Variants in RPTOR observed in about 807,000 individuals in gnomAD.
The protein encoded by RPTOR is regulatory associated protein of MTOR complex 1, also known as regulatory-associated protein of mTOR.
RPTOR carries 21 observed loss-of-function variants against 169.9 expected under a neutral mutation model. The observed-to-expected ratio is 0.12, with a 90% confidence interval of 0.09 to 0.18. The LOEUF (loss-of-function observed/expected upper bound fraction) is 0.18, where lower values mean the gene tolerates loss of function less well. RPTOR is among the 10% of genes least tolerant of loss of function. RPTOR has a pLI of 1.00. For missense variants in RPTOR, 1,133 were observed against 1,855.9 expected (o/e 0.61, Z 7.16); for synonymous variants, 732 against 753.2 (o/e 0.97, Z 0.46).
intron 1 of RPTOR, among the ~76,000 whole-genome samples, chr17:80,603,550 C>G (rs538683204): frequency 6.6e-6 from 1 of 152,106 alleles, no homozygotes; most frequent in East Asian, 1.9e-4. Flanking sequence ...CTTCCTGCTT[C>G]CAGGATTTAC....
chr17:80,643,487 T>G (rs946581611), intron 2 of RPTOR, among the ~76,000 whole-genome samples: 2 of 152,108 alleles, frequency 1.3e-5, no homozygotes, highest in South Asian at 2.1e-4. Flanking sequence ...TGAACGTGGG[T>G]AGAATAACAG....
At chr17:80,834,757 C>T (rs908252939) in intron 9 of RPTOR, among the ~76,000 whole-genome samples, 2 of 152,176 alleles carry the variant, frequency 1.3e-5, no homozygotes, top group African/African-American at 4.8e-5. Flanking sequence ...GGAGAACGTG[C>T]GAATAGGCTT....
chr17:80,930,102 C>A (rs1428677364), intron 24 of RPTOR, among the ~76,000 whole-genome samples: 1 of 148,678 alleles, frequency 6.7e-6, no homozygotes, highest in Non-Finnish European at 1.5e-5. Flanking sequence ...CTCAACTCAT[C>A]CCCAGCTCAT....
intron 1 of RPTOR, among the ~76,000 whole-genome samples, chr17:80,616,914 G>A (rs765456599): frequency 1.3e-5 from 2 of 152,094 alleles, no homozygotes; most frequent in Admixed American, 6.5e-5. Context: ...TCCTCACACC[G>A]GTCCAGCTTG....
intron 5 of RPTOR, among the ~76,000 whole-genome samples, chr17:80,744,505 TCCTGGTTACGAGCACAGC>T (rs1325974919): frequency 5.8e-4 from 5 of 8,640 alleles, no homozygotes; most frequent in Admixed American, 1.0e-3. Context: ...ACTAGCACTG[TCCTGGTTACGAGCACAGC>T]CCTGGCTACT....
In RPTOR at chr17:80,602,266, C is replaced by T. The variant is rs376511501; in HGVS notation, c.163-23425C>T. ...GGGGGCTGACCCCCCACCTCCCTCCCGGACGGGGCGGCTGGCCAGGCAGAG... is the reference window on the plus strand; with the variant it reads ...GGGGGCTGACCCCCCACCTCCCTCCTGGACGGGGCGGCTGGCCAGGCAGAG... On this transcript the variant is annotated intron_variant, in intron 1 of 33. Transcript: ENST00000306801. Among the ~76,000 whole-genome samples the T allele has an allele frequency of 8.8e-3, 563 of 63,998 alleles. 124 individuals are homozygous for T. The East Asian group carries it at 0.13, about 15-fold the overall frequency. The allele number at this position is 63,998 out of a possible 152,430, so 42.0% of individuals were successfully genotyped here. A position where few individuals can be genotyped will look rare whatever the true frequency, so the allele number is the denominator to read the frequency against.
chr17:80,935,776 G>GA (rs145397030), intron 24 of RPTOR, among the ~76,000 whole-genome samples: 37,534 of 150,906 alleles, frequency 0.25, 5,562 homozygotes, highest in Middle Eastern at 0.35. Context: ...GAAGGAAACA[G>GA]AAAAAAAAAT....
chr17:80,663,813 G>A (rs543831919), intron 3 of RPTOR, among the ~76,000 whole-genome samples: 164 of 151,922 alleles, frequency 1.1e-3, no homozygotes, highest in African/African-American at 3.9e-3. Flanking sequence ...CTCTGCTTGA[G>A]ACTGGTTCTG....
At position 80,754,489 on chromosome 17, in the gene RPTOR, A is replaced by C. The variant is rs1012493903; in HGVS notation, c.830+304A>C. On this transcript the variant is annotated intron_variant, in intron 6 of 33. Coordinates refer to ENST00000306801, the MANE Select transcript of RPTOR (RefSeq NM_020761.3). The surrounding 1 kb of genome is among the most constrained non-coding windows in gnomAD (Gnocchi z 4.2). The stretch of plus-strand genomic sequence containing the variant: ...GCGTCTTAGTACCAGGATAGGTCAT[A>C]CTGGAAACTGGACTTTCTTTCAGGG... 5.9e-5 allele frequency among the ~76,000 whole-genome samples: 9 copies of C among 152,170 alleles called. No individual in the cohort carries two copies. Among genetic ancestry groups the C allele is most frequent in the African/African-American group, 2.2e-4 (9 of 41,436 alleles).
intron 4 of RPTOR, among the ~76,000 whole-genome samples, chr17:80,729,974 G>A (rs1038671395): frequency 6.6e-6 from 1 of 152,244 alleles, no homozygotes; most frequent in African/African-American, 2.4e-5. Context: ...ACAAGTTTAA[G>A]GAGTTGACCA....
At chr17:80,950,374 T>A (rs1468493553) in intron 28 of RPTOR, among the ~76,000 whole-genome samples, 1 of 152,202 alleles carries the variant, frequency 6.6e-6, no homozygotes, top group East Asian at 1.9e-4. Context: ...CTGCCCTGGT[T>A]CTGCCCTAGG....
chr17:80,918,537 T>TCGCCGGGGTCATAGCCAC (rs1567986290), intron 21 of RPTOR, among the ~76,000 whole-genome samples: 1 of 31,786 alleles, frequency 3.1e-5, no homozygotes, highest in African/African-American at 9.3e-5. Flanking sequence ...GTCATAGCCA[T>TCGCCGGGGTCATAGCCAC]GAGCACCCTC....
intron 5 of RPTOR, among the ~76,000 whole-genome samples, chr17:80,740,965 A>G (rs143812970): frequency 4.6e-4 from 70 of 152,368 alleles, no homozygotes; most frequent in African/African-American, 1.3e-3. Context: ...GGAAACGCAA[A>G]TCAAAACTAC....
rs150354239 is a variant in RPTOR, at chr17:80,743,944, C to G, written c.655-10066C>G. 1.8e-3 allele frequency among the ~76,000 whole-genome samples: 77 copies of G among 42,422 alleles called. 19 individuals carry two copies. Among genetic ancestry groups the G allele is most frequent in the South Asian group, 9.3e-3 (12 of 1,296 alleles). 27.8% of individuals were successfully genotyped at this position (42,422 alleles called of 152,430 possible). ...ACTAGCAGAGCCCTGGTTACTAGCACAGCCCTGGCTACTAGCACAGCCCTG... is the reference window on the plus strand; with the variant it reads ...ACTAGCAGAGCCCTGGTTACTAGCAGAGCCCTGGCTACTAGCACAGCCCTG... On this transcript the variant is annotated intron_variant, in intron 5 of 33. Coordinates refer to ENST00000306801, the MANE Select transcript of RPTOR (RefSeq NM_020761.3).
chr17:80,945,637 G>A (rs775332657), intron 25 of RPTOR, 30 bp from the exon 26 acceptor site: 2 of 1,345,016 alleles, frequency 1.5e-6, no homozygotes, highest in South Asian at 2.5e-5. Flanking sequence ...GCTGGCTCCT[G>A]GATCCACTCT....
chr17:80,943,637 A>G (rs568157024), intron 25 of RPTOR, among the ~76,000 whole-genome samples: 1 of 151,650 alleles, frequency 6.6e-6, no homozygotes. Context: ...TGGCTATCTC[A>G]CTTCCTGCCA....
At chr17:80,813,543 C>T (rs1282296316) in intron 7 of RPTOR, among the ~76,000 whole-genome samples, 2 of 152,194 alleles carry the variant, frequency 1.3e-5, no homozygotes, top group Non-Finnish European at 2.9e-5. Flanking sequence ...CCTGTTACTC[C>T]AGCCCCCACT....
chr17:80,909,086 C>T (rs2068580641), intron 21 of RPTOR, among the ~76,000 whole-genome samples, 157 bp downstream of exon 21: 1 of 152,234 alleles, frequency 6.6e-6, no homozygotes, highest in Admixed American at 6.5e-5. Flanking sequence ...GTACACAGTA[C>T]ACCCCAAACT....
At chr17:80,849,175 C>CA (rs1462821554) in intron 11 of RPTOR, among the ~76,000 whole-genome samples, 2 of 152,190 alleles carry the variant, frequency 1.3e-5, no homozygotes, top group African/African-American at 4.8e-5. Context: ...TTATTTTTGC[C>CA]AAAGCCTGGG....
Sources: allele counts gnomAD v4.1 joint callset (sites outside exome capture counted in the v4.1 genomes callset), GRCh38; gene constraint gnomAD v4.1.1; non-coding constraint Gnocchi (gnomAD v3.1); transcripts MANE v1.5; gene names NCBI Gene and HGNC (gene_info 2026-07-23, HGNC 2026-07-21).